The following SCN1A variants were observed in gnomAD, a reference collection of about 807,000 sequenced individuals.
SCN1A encodes sodium voltage-gated channel alpha subunit 1, also known as sodium channel protein type 1 subunit alpha.
A neutral mutation model predicts 193.7 loss-of-function variants in SCN1A; 13 were observed. That is an observed-to-expected ratio of 0.07 (90% CI 0.04 to 0.11). The LOEUF (loss-of-function observed/expected upper bound fraction) is 0.11. Among genes scored for constraint, SCN1A ranks in the 10% least tolerant of loss-of-function variants. The pLI is 1.00. For synonymous variants in SCN1A, 781 were observed against 843.6 expected (o/e 0.93, Z 1.29); for missense variants, 1,432 against 2,451.1 (o/e 0.58, Z 8.78).
chr2:166,038,170 T>C (rs978587518), intron 17 of SCN1A, 38 bp from the exon 18 acceptor site: 1 of 1,441,350 alleles, frequency 6.9e-7, no homozygotes, highest in African/African-American at 1.4e-5. Flanking sequence ...TGTATGATTC[T>C]TAAAAGCATT....
intron 4 of SCN1A, among the ~76,000 whole-genome samples, chr2:166,062,239 T>C (rs1574318962): frequency 6.6e-6 from 1 of 152,250 alleles, no homozygotes; most frequent in African/African-American, 2.4e-5. Context: ...TTTAAGGTAT[T>C]GATGGATTTT....
chr2:166,048,172 G>A (rs1698075697), intron 10 of SCN1A, among the ~76,000 whole-genome samples: 1 of 151,978 alleles, frequency 6.6e-6, no homozygotes, highest in Non-Finnish European at 1.5e-5. Context: ...ATATACAGTA[G>A]GTGTTTAATA....
rs34747425 is a variant in SCN1A at position 166,052,612 on chromosome 2, G to GAA, written c.694+238_694+239dup. On this transcript the variant is annotated intron_variant, in intron 8 of 28. Transcript: ENST00000674923. ...AAATTCTCGATAAAACTAACATGGT[G>GAA]AAAAAAAAAAAAACCCATGATATTT... is the stretch of plus-strand genomic sequence containing the variant. Among the ~76,000 whole-genome samples, 5,215 of 87,706 alleles carry GAA rather than the reference G, an allele frequency of 0.059. 307 individuals carry two copies. The highest frequency in any genetic ancestry group is 0.15 in the African/African-American group (4,923 of 32,246). The allele number at this position is 87,706 out of a possible 152,430, so 57.5% of individuals were successfully genotyped here.
At chr2:166,083,489 C>T (rs1685751276) in intron 2 of SCN1A, among the ~76,000 whole-genome samples, 1 of 151,712 alleles carries the variant, frequency 6.6e-6, no homozygotes, top group Non-Finnish European at 1.5e-5. Flanking sequence ...CATAGAAATA[C>T]AATACATAGT....
rs137926404 is a variant in SCN1A, at chr2:166,085,631, G to C, written c.-141-7830C>G. ...GGGAAAGAGAAACAGATCCAGGAAC[G>C]GGGAGAGGAGAGTGTTGAGCACAAA... On this transcript the variant is annotated intron_variant, in intron 2 of 28. Transcript: ENST00000674923. Among the ~76,000 whole-genome samples, 1,074 of 152,226 alleles carry C rather than the reference G, an allele frequency of 7.1e-3. 19 individuals are homozygous for C. The highest frequency in any genetic ancestry group is 0.025 in the African/African-American group (1,038 of 41,540).
chr2:166,106,012 C>T (rs894160760), intron 2 of SCN1A, among the ~76,000 whole-genome samples: 2 of 152,080 alleles, frequency 1.3e-5, no homozygotes, highest in African/African-American at 4.8e-5. Context: ...ACGGTGAAAA[C>T]CCGTCTCTAC....
At chr2:166,049,059 T>A in intron 9 of SCN1A, 110 bp from the exon 10 acceptor site, 1 of 723,148 alleles carries the variant, frequency 1.4e-6, no homozygotes, top group South Asian at 1.5e-5. Context: ...ATTTTAAATA[T>A]ATTATTCATT....
At chr2:165,996,530 A>C (rs1690087167) in intron 26 of SCN1A, among the ~76,000 whole-genome samples, 1 of 151,518 alleles carries the variant, frequency 6.6e-6, no homozygotes, top group South Asian at 2.1e-4. Flanking sequence ...GTATACTGCA[A>C]GACAGTTTGG....
At position 166,062,763 on chromosome 2, in the gene SCN1A, A is replaced by G. The variant is rs561139817; in HGVS notation, c.265-4075T>C. Reference sequence around the variant, plus strand: ...GCTTTAAGCTAATCAAGATTTATGAACTATTAAATTGGGTGACTTTTTAAA... The same window carrying G: ...GCTTTAAGCTAATCAAGATTTATGAGCTATTAAATTGGGTGACTTTTTAAA... On this transcript the variant is annotated intron_variant, in intron 4 of 28. Coordinates refer to ENST00000674923, the MANE Select transcript of SCN1A (RefSeq NM_001165963.4). 9.1e-4 allele frequency among the ~76,000 whole-genome samples: 138 copies of G among 152,234 alleles called. 1 individual carries two copies. The highest frequency in any genetic ancestry group is 6.8e-3 in the Middle Eastern group (2 of 294).
intron 6 of SCN1A, 53 bp downstream of exon 6, chr2:166,056,358 A>G (rs909916101): frequency 3.5e-5 from 39 of 1,103,044 alleles, no homozygotes; most frequent in Non-Finnish European, 5.3e-5. Flanking sequence ...ATTAAGACAC[A>G]GTTTCAAAAT....
In SCN1A at chr2:166,036,219, T is replaced by C. The variant is rs764991397; in HGVS notation, c.3258A>G (p.Ile1086Met). ...LKDVNGTTSG[I>M]GTGSSVEKYI... ...ATTTTTCAACACTGCTGCCAGTTCC[T>C]ATACCACTTGTAGTTCCATTTACAT... is the stretch of plus-strand genomic sequence containing the variant. The change falls in exon 19 of 29, where the codon ATA (isoleucine) becomes ATG (methionine). Residue 1086 changes from isoleucine (I) to methionine (M), a missense_variant. By Grantham distance (10) the Ile-to-Met change is conservative (BLOSUM62 1). Coordinates refer to ENST00000674923, the MANE Select transcript of SCN1A (RefSeq NM_001165963.4). 1.9e-6 allele frequency: 3 copies of C among 1,614,040 alleles called. No individual in the cohort carries two copies. The East Asian group carries it at 6.7e-5, about 36-fold the overall frequency.
intron 4 of SCN1A, among the ~76,000 whole-genome samples, chr2:166,066,339 G>T (rs930580676): frequency 2.6e-5 from 4 of 152,070 alleles, no homozygotes; most frequent in African/African-American, 9.7e-5. Context: ...ACACTTTTGA[G>T]CCCAGCTTGA....
upstream of SCN1A, among the ~76,000 whole-genome samples, chr2:166,128,767 A>G (rs1002275223): frequency 6.6e-6 from 1 of 152,220 alleles, no homozygotes; most frequent in Non-Finnish European, 1.5e-5. Context: ...ATAAGCAAAT[A>G]TATATAGAAA....
intron 27 of SCN1A, among the ~76,000 whole-genome samples, chr2:165,994,923 A>G (rs73969741): frequency 0.058 from 8,827 of 152,030 alleles, 836 homozygotes; most frequent in African/African-American, 0.2. Context: ...TTTAAATACC[A>G]CATATGGCAA....
At chr2:166,092,397 A>G (rs1329498147) in intron 2 of SCN1A, among the ~76,000 whole-genome samples, 2 of 152,228 alleles carry the variant, frequency 1.3e-5, no homozygotes, top group Non-Finnish European at 2.9e-5. Context: ...AAAAGCATCC[A>G]TTACAAATAT....
intron 1 of SCN1A, among the ~76,000 whole-genome samples, chr2:166,146,605 C>A (rs112722461): frequency 2.0e-5 from 3 of 152,226 alleles, no homozygotes; most frequent in African/African-American, 7.2e-5. Context: ...GACCCCACAG[C>A]GAAGAATATC....
chr2:166,101,107 C>G (rs1485334919), intron 2 of SCN1A, among the ~76,000 whole-genome samples: 20 of 135,286 alleles, frequency 1.5e-4, no homozygotes, highest in Non-Finnish European at 2.5e-4. Context: ...TTGGAACCAA[C>G]CCAAATGTCC....
chr2:166,125,176 G>A (rs549188675), intron 2 of SCN1A, among the ~76,000 whole-genome samples: 2 of 152,328 alleles, frequency 1.3e-5, no homozygotes, highest in East Asian at 3.9e-4. Flanking sequence ...TAAAAAGGAA[G>A]TGATAACCTC....
intron 2 of SCN1A, among the ~76,000 whole-genome samples, chr2:166,112,649 A>G (rs906607902): frequency 3.3e-5 from 5 of 151,938 alleles, no homozygotes; most frequent in African/African-American, 9.7e-5. Context: ...TCTTTCTTAT[A>G]TTTGGCCTTA....
Sources: gnomAD v4.1 joint callset for allele counts (sites outside exome capture counted in the v4.1 genomes callset) on GRCh38, gnomAD v4.1.1 for gene constraint, MANE v1.5 for transcripts, NCBI Gene and HGNC (gene_info 2026-07-23, HGNC 2026-07-21) for gene names.